Variants in GFOD1 observed in about 807,000 individuals in gnomAD.
The protein encoded by GFOD1 is Gfo/Idh/MocA-like oxidoreductase domain containing 1, also known as glucose-fructose oxidoreductase domain-containing protein 1.
Under a neutral mutation model 25.4 loss-of-function variants are expected in GFOD1, and 9 were observed. The ratio of observed to expected loss-of-function variants is 0.35; its 90% CI spans 0.21 to 0.62. The LOEUF is 0.62. GFOD1 is among the 20% of genes least tolerant of loss of function. The pLI, the probability that GFOD1 is intolerant of heterozygous loss-of-function variation, is 0.72. For missense variants in GFOD1, 403 were observed against 556.9 expected (o/e 0.72, Z 2.78); for synonymous variants, 253 against 245.6 (o/e 1.03, Z -0.28).
At chr6:13,471,013 TTCATGC>T (rs1758491515) in intron 1 of GFOD1, among the ~76,000 whole-genome samples, 1 of 152,180 alleles carries the variant, frequency 6.6e-6, no homozygotes, top group South Asian at 2.1e-4. Flanking sequence ...TAGTTGAGGT[TTCATGC>T]TTCAGTATTT....
chr6:13,470,191 C>T (rs147660873), intron 1 of GFOD1: 154 of 1,578,928 alleles, frequency 9.8e-5, no homozygotes, highest in African/African-American at 3.5e-4. Context: ...GCGCGATGAA[C>T]GCATCTATCT....
chr6:13,398,805 G>A (rs1340800005), intron 1 of GFOD1, among the ~76,000 whole-genome samples: 3 of 152,162 alleles, frequency 2.0e-5, no homozygotes, highest in African/African-American at 7.2e-5. Flanking sequence ...TGGCCACCAC[G>A]GGGCAGCATC....
At chr6:13,470,625 C>G (rs776094517) in intron 1 of GFOD1, 1 of 1,472,668 alleles carries the variant, frequency 6.8e-7, no homozygotes. Flanking sequence ...CTCTGATGTC[C>G]TGGTTCTGTT....
chr6:13,477,373 T>C lies in GFOD1; in HGVS notation c.253+9265A>G, dbSNP rs149561668. On this transcript the variant is annotated intron_variant, in intron 1 of 1. Transcript: ENST00000379287. ...CTGGAGACCCATAGAAGAGTTGATG[T>C]TGCAGTTTCCAGTACAAAGGCAGTC... 3.3e-5 allele frequency among the ~76,000 whole-genome samples: 5 copies of C among 152,108 alleles called. No homozygotes were observed. In the East Asian group the frequency reaches 9.7e-4, roughly 29 times the overall value.
At chr6:13,395,352 A>C (rs1188923865) in intron 1 of GFOD1, among the ~76,000 whole-genome samples, 3 of 152,198 alleles carry the variant, frequency 2.0e-5, no homozygotes, top group Non-Finnish European at 4.4e-5. Flanking sequence ...ATCTCCCAAG[A>C]GGCACTGGAT....
intron 1 of GFOD1, among the ~76,000 whole-genome samples, chr6:13,388,380 AACCAAAACAGCATGGTATTGGT>A (rs1369265616): frequency 6.6e-6 from 1 of 152,250 alleles, no homozygotes; most frequent in Admixed American, 6.5e-5. Context: ...AGTCTACAGT[AACCAAAACAGCATGGTATTGGT>A]ACCAAAACAG....
intron 1 of GFOD1, among the ~76,000 whole-genome samples, chr6:13,373,815 A>T (rs548418582): frequency 6.6e-6 from 1 of 150,728 alleles, no homozygotes; most frequent in East Asian, 2.0e-4. Flanking sequence ...CTGCAAAAGA[A>T]GTGGAAGTAT....
In GFOD1 at chr6:13,360,974, C is replaced by T; in HGVS notation, c.*3769G>A. 5.0e-6 allele frequency: 2 copies of T among 403,414 alleles called. No homozygotes were observed. Among genetic ancestry groups the T allele is most frequent in the Non-Finnish European group, 1.0e-5 (2 of 200,298 alleles). The allele number at this position is 403,414 out of a possible 1,614,324, so 25.0% of individuals were successfully genotyped here. A position where few individuals can be genotyped will look rare whatever the true frequency, so the allele number is the denominator to read the frequency against. The stretch of plus-strand genomic sequence containing the variant: ...TGACTTTGAACAAGTTCCTCTTCCT[C>T]TTACTGCCTCCATTTTCTCATGTGT... On this transcript the variant is annotated 3_prime_UTR_variant, in exon 2 of 2. Transcript: ENST00000379287.
intron 1 of GFOD1, among the ~76,000 whole-genome samples, chr6:13,409,174 AGAGAGAGAG>A (rs1562209536): frequency 9.2e-5 from 5 of 54,064 alleles, no homozygotes; most frequent in East Asian, 4.1e-4. Context: ...AAGGAAAGAG[AGAGAGAGAG>A]AGAAAGAAAG....
At chr6:13,390,533 C>G (rs1398122661) in intron 1 of GFOD1, among the ~76,000 whole-genome samples, 1 of 151,960 alleles carries the variant, frequency 6.6e-6, no homozygotes, top group Non-Finnish European at 1.5e-5. Context: ...TGAGACCAAC[C>G]TGGGCAACAC....
chr6:13,412,507 C>T (rs1467857830), intron 1 of GFOD1, among the ~76,000 whole-genome samples: 1 of 152,236 alleles, frequency 6.6e-6, no homozygotes, highest in Non-Finnish European at 1.5e-5. Context: ...CAAAGGTTGA[C>T]TGGTATTTTT....
intron 1 of GFOD1, among the ~76,000 whole-genome samples, chr6:13,461,169 T>G (rs1169531646): frequency 6.6e-6 from 1 of 152,232 alleles, no homozygotes; most frequent in Non-Finnish European, 1.5e-5. Flanking sequence ...ACTGACTCCC[T>G]AGAAGCCCAG....
chr6:13,422,376 T>C (rs186702595), intron 1 of GFOD1, among the ~76,000 whole-genome samples: 78 of 152,264 alleles, frequency 5.1e-4, no homozygotes, highest in Admixed American at 1.2e-3. Context: ...TGAGACCCCA[T>C]CCACCCCGTG....
intron 1 of GFOD1, among the ~76,000 whole-genome samples, chr6:13,480,323 T>C (rs748715161): frequency 3.3e-5 from 5 of 152,266 alleles, no homozygotes; most frequent in Non-Finnish European, 7.4e-5. Flanking sequence ...TGAAAACAGA[T>C]GTCATCACAT....
At chr6:13,429,794 T>C (rs1757717220) in intron 1 of GFOD1, among the ~76,000 whole-genome samples, 1 of 152,204 alleles carries the variant, frequency 6.6e-6, no homozygotes, top group African/African-American at 2.4e-5. Flanking sequence ...ATTTAAGTTT[T>C]ATATATTCAT....
intron 1 of GFOD1, among the ~76,000 whole-genome samples, chr6:13,485,378 G>A (rs1758842345): frequency 1.3e-5 from 2 of 152,202 alleles, no homozygotes; most frequent in Non-Finnish European, 2.9e-5. Flanking sequence ...CTTCCGGCTG[G>A]TTTCTGGATG....
Position 13,365,313 on chromosome 6 carries a change from G to A in GFOD1, c.603C>T (p.Thr201=). 1 of 1,614,218 alleles carries A rather than the reference G, an allele frequency of 6.2e-7. No individual in the cohort carries two copies. The highest frequency in any genetic ancestry group is 8.5e-7 in the Non-Finnish European group (1 of 1,180,024). ...KAVKVHGLLK[T]FVKQTDHIKG... ...TGATGTGGTCAGTCTGCTTCACGAAGGTCTTGAGCAGCCCGTGGACCTTGA... is the reference window on the plus strand; with the variant it reads ...TGATGTGGTCAGTCTGCTTCACGAAAGTCTTGAGCAGCCCGTGGACCTTGA... The change falls in exon 2 of 2, where the codon ACC becomes ACT. Residue 201 remains threonine, a synonymous_variant. Coordinates refer to ENST00000379287, the MANE Select transcript of GFOD1 (RefSeq NM_018988.4). This position sits in a 1 kb window ranked among gnomAD's most constrained non-coding sequence, Gnocchi z 9.2.
intron 1 of GFOD1, among the ~76,000 whole-genome samples, chr6:13,477,326 G>A (rs1360314730): frequency 2.0e-5 from 3 of 151,808 alleles, no homozygotes; most frequent in African/African-American, 7.3e-5. Context: ...GTGCAGGGCA[G>A]GCAGGCAGGC....
intron 1 of GFOD1, among the ~76,000 whole-genome samples, chr6:13,441,497 A>C (rs1488257972): frequency 6.6e-6 from 1 of 152,252 alleles, no homozygotes; most frequent in African/African-American, 2.4e-5. Flanking sequence ...TAAAAAATGT[A>C]TCTTTTCCTG....
Sources: gnomAD v4.1 joint callset for allele counts (sites outside exome capture counted in the v4.1 genomes callset) on GRCh38, gnomAD v4.1.1 for gene constraint, Gnocchi (gnomAD v3.1) non-coding constraint, MANE v1.5 for transcripts, NCBI Gene and HGNC (gene_info 2026-07-23, HGNC 2026-07-21) for gene names.